The following WDR62 variants were observed in gnomAD, a reference collection of about 807,000 sequenced individuals.
The protein encoded by WDR62 is WD repeat domain 62.
Under a neutral mutation model 160.6 loss-of-function variants are expected in WDR62, and 112 were observed. The observed-to-expected ratio is 0.70, with a 90% CI of 0.60 to 0.82. The LOEUF (loss-of-function observed/expected upper bound fraction) is 0.82, where lower values mean the gene tolerates loss of function less well. WDR62 is among the 40% of genes least tolerant of loss of function. WDR62 has a pLI of 0.00. For synonymous variants in WDR62, 792 were observed against 815.1 expected, an observed-to-expected ratio of 0.97 and a Z score of 0.48; for missense variants, 1,819 against 1,983.8, an observed-to-expected ratio of 0.92 and a Z score of 1.58.
intron 9 of WDR62, among the ~76,000 whole-genome samples, chr19:36,076,946 T>C (rs1971602883): frequency 6.6e-6 from 1 of 152,140 alleles, no homozygotes; most frequent in African/African-American, 2.4e-5. Context: ...TGGGGAATTA[T>C]ATATGTGTGT....
chr19:36,100,976 G>C, intron 23 of WDR62, 101 bp downstream of exon 23: 2 of 1,580,864 alleles, frequency 1.3e-6, no homozygotes, highest in Non-Finnish European at 1.7e-6. Flanking sequence ...GGGCTTGTGG[G>C]AGTGGGGACA....
Position 36,067,979 on chromosome 19 carries a change from A to G in WDR62, c.851A>G (p.Lys284Arg). The G allele has an allele frequency of 6.2e-7, 1 of 1,614,118 alleles. No homozygotes were observed. The highest frequency in any genetic ancestry group is 1.3e-5 in the African/African-American group (1 of 75,050). The change falls in exon 7 of 32, where the codon AAG (lysine) becomes AGG (arginine). Residue 284 changes from lysine to arginine, a missense_variant. Physicochemically the swap from Lys to Arg is conservative, Grantham distance 26 (BLOSUM62 2). This residue lies in a region of WDR62 where 934 missense variants were observed against 1,157.2 expected (regional missense o/e 0.81). Transcript: ENST00000401500. Reference protein sequence around the residue: ...YSGLLCQFNEKRVLEKWINLK... With the variant: ...YSGLLCQFNERRVLEKWINLK... ...GGCCTCCTCTGCCAGTTCAATGAGA[A>G]GAGGGTGCTGGAGAAGTGGATCAAC... is the stretch of plus-strand genomic sequence containing the variant.
intron 30 of WDR62, 86 bp downstream of exon 30, chr19:36,104,067 G>A: frequency 6.6e-7 from 1 of 1,525,218 alleles, no homozygotes; most frequent in Admixed American, 1.7e-5. Flanking sequence ...TACTTGACCT[G>A]GCCACAGGGA....
At chr19:36,094,234 T>A (rs1174179715) in intron 20 of WDR62, 70 bp downstream of exon 20, 1 of 1,590,710 alleles carries the variant, frequency 6.3e-7, no homozygotes, top group Non-Finnish European at 8.6e-7. Context: ...CCCATGACCT[T>A]GTTTACAGGG....
chr19:36,080,989 A>AT (rs1971862683), intron 9 of WDR62, among the ~76,000 whole-genome samples: 1 of 151,876 alleles, frequency 6.6e-6, no homozygotes, highest in Non-Finnish European at 1.5e-5. Context: ...ACACAGTCTC[A>AT]TATGTTGGCC....
chr19:36,056,701 A>G (rs1970390299), intron 1 of WDR62, among the ~76,000 whole-genome samples: 2 of 152,232 alleles, frequency 1.3e-5, no homozygotes, highest in Non-Finnish European at 2.9e-5. Flanking sequence ...CGTTATAGCA[A>G]AGTGGCTAAG....
chr19:36,072,679 G>C (rs1490486439), intron 8 of WDR62, among the ~76,000 whole-genome samples: 1 of 152,136 alleles, frequency 6.6e-6, no homozygotes, highest in South Asian at 2.1e-4. Context: ...GGGGAACTGG[G>C]TGTCATGAAG....
intron 8 of WDR62, among the ~76,000 whole-genome samples, chr19:36,072,447 G>A (rs975607910): frequency 6.6e-6 from 1 of 152,258 alleles, no homozygotes; most frequent in South Asian, 2.1e-4. Flanking sequence ...CTGGGGTTTC[G>A]GGCGTTGGGG....
chr19:36,072,120 A>G (rs1449667815), intron 8 of WDR62, among the ~76,000 whole-genome samples: 1 of 152,218 alleles, frequency 6.6e-6, no homozygotes, highest in East Asian at 1.9e-4. Flanking sequence ...GCCTCTCTGC[A>G]GTATAGCAAG....
intron 7 of WDR62, among the ~76,000 whole-genome samples, chr19:36,068,802 A>G (rs1205336183): frequency 7.2e-4 from 106 of 147,852 alleles, no homozygotes; most frequent in South Asian, 2.0e-3. Context: ...TCTTTTCCCC[A>G]CCTTTCCCCC....
At chr19:36,080,281 G>A (rs1428148402) in intron 9 of WDR62, among the ~76,000 whole-genome samples, 1 of 145,714 alleles carries the variant, frequency 6.9e-6, no homozygotes, top group Non-Finnish European at 1.5e-5. Context: ...CTAATTTTTT[G>A]TATTTTTTTT....
chr19:36,058,930 T>G, intron 2 of WDR62, 59 bp downstream of exon 2: 1 of 1,417,034 alleles, frequency 7.1e-7, no homozygotes, highest in Non-Finnish European at 9.9e-7. Flanking sequence ...GCTTGGAACC[T>G]GAAGCCATCC....
rs531669876 is a variant in WDR62, at chr19:36,057,066, C to T, written c.178-1714C>T. ...CTGAGCTCAAGCGATCTGCCTGCCT[C>T]GGCCTCCCAAAGTGCTAGGATTACA... On this transcript the variant is annotated intron_variant, in intron 1 of 31. Coordinates refer to ENST00000401500, the MANE Select transcript of WDR62 (RefSeq NM_001083961.2). Among the ~76,000 whole-genome samples the T allele has an allele frequency of 8.9e-4, 136 of 152,212 alleles. 1 individual carries two copies. The highest frequency in any genetic ancestry group is 3.4e-3 in the Middle Eastern group (1 of 294).
rs766961285 is a variant in WDR62, at chr19:36,066,376, C to T, written c.510C>T (p.Ile170=). Residue 170 remains isoleucine (I), a synonymous_variant, in exon 5 of 32, where the codon ATC becomes ATT. Transcript: ENST00000401500. The part of the protein sequence containing the change: ...CVAFSPNMKH[I]VSMGYQHDMV... ...CCTTCTCACCCAATATGAAGCACAT[C>T]GTGTCCATGGGCTACCAACATGACA... The T allele has an allele frequency of 1.4e-5, 23 of 1,613,062 alleles. No homozygotes were observed. Among genetic ancestry groups the T allele is most frequent in the Non-Finnish European group, 1.8e-5 (21 of 1,179,480 alleles).
In WDR62 at chr19:36,083,064, C is replaced by T; in HGVS notation, c.1373C>T (p.Thr458Ile). The T allele has an allele frequency of 6.2e-7, 1 of 1,611,238 alleles. No individual in the cohort carries two copies. Among genetic ancestry groups the T allele is most frequent in the South Asian group, 1.1e-5 (1 of 90,284 alleles). Residue 458 changes from threonine to isoleucine, a missense_variant and splice_region_variant, in exon 11 of 32, where the codon ACC (threonine) becomes ATC (isoleucine). By Grantham distance (89) the Thr-to-Ile change is moderately conservative (BLOSUM62 -1). Around this residue, in one of 3 missense-constraint regions of WDR62, gnomAD observed 934 missense variants for 1,157.2 expected, o/e 0.81. Coordinates refer to ENST00000401500, the MANE Select transcript of WDR62 (RefSeq NM_001083961.2). ...ACCTCAGCCCTGTCCTTCCTGCAGA[C>T]CCTGCTGAAGGTCGTGTACGTGGAG... ...SHWQKNIFSN[T>I]LLKVVYVEND... is the part of the protein sequence containing the mutation.
At position 36,067,828 on chromosome 19, in the gene WDR62, G is replaced by T. The variant is rs1216375665; in HGVS notation, c.700G>T (p.Val234Leu). 1.9e-6 allele frequency: 3 copies of T among 1,613,866 alleles called. No homozygotes were observed. Among genetic ancestry groups the T allele is most frequent in the Non-Finnish European group, 1.7e-6 (2 of 1,180,048 alleles). The change falls in exon 7 of 32, where the codon GTG (valine) becomes TTG (leucine). Residue 234 changes from valine to leucine, a missense_variant and splice_region_variant. Val to Leu is a conservative substitution (Grantham distance 32). Coordinates refer to ENST00000401500, the MANE Select transcript of WDR62 (RefSeq NM_001083961.2). ...CTCACTACGCCCTCTGTGTCTCCAG[G>T]TGACGAGCACAGTGCCCCTTGTAGG... The part of the protein sequence containing the change: ...WFLEVSTETK[V>L]TSTVPLVGRS...
intron 20 of WDR62, among the ~76,000 whole-genome samples, chr19:36,095,638 A>T (rs1449966224): frequency 6.6e-6 from 1 of 152,256 alleles, no homozygotes; most frequent in African/African-American, 2.4e-5. Flanking sequence ...TGCTAAAAAT[A>T]CAAAAATTAG....
intron 12 of WDR62, among the ~76,000 whole-genome samples, chr19:36,085,082 A>G (rs1314238774): frequency 6.6e-6 from 1 of 152,112 alleles, no homozygotes; most frequent in Non-Finnish European, 1.5e-5. Flanking sequence ...ATATTGGGAG[A>G]ATATTATAAT....
At chr19:36,075,451 T>C (rs1327590036) in intron 9 of WDR62, 1 of 145,528 alleles carries the variant, frequency 6.9e-6, no homozygotes, top group Non-Finnish European at 1.5e-5. Context: ...GTTAGCAGCT[T>C]TTTTTCCCCC....
Sources: allele counts gnomAD v4.1 joint callset (sites outside exome capture counted in the v4.1 genomes callset), GRCh38; gene constraint gnomAD v4.1.1; regional missense constraint gnomAD v4.1.1; transcripts MANE v1.5; gene names NCBI Gene and HGNC (gene_info 2026-07-23, HGNC 2026-07-21).